The following KCNAB1 variants were observed in gnomAD, a reference collection of about 807,000 sequenced individuals.
KCNAB1 encodes the protein voltage-gated potassium channel subunit beta-1.
A neutral mutation model predicts 64.6 loss-of-function variants in KCNAB1; 35 were observed. The observed-to-expected ratio is 0.54, with a 90% CI of 0.41 to 0.72. The LOEUF is 0.72. Ranked by LOEUF, KCNAB1 falls within the 30% of genes least tolerant of loss-of-function variation. The probability of loss-of-function intolerance (pLI) is 0.00; values close to 1 mark genes in which losing one functional copy is unlikely to be tolerated. For missense variants in KCNAB1, 401 were observed against 512.9 expected (o/e 0.78, Z 2.11); for synonymous variants, 177 against 183.8 (o/e 0.96, Z 0.30).
At chr3:156,507,901 A>G (rs1716930657) in intron 8 of KCNAB1, among the ~76,000 whole-genome samples, 2 of 152,196 alleles carry the variant, frequency 1.3e-5, no homozygotes, top group South Asian at 4.1e-4. Context: ...GGCTCTAAAA[A>G]TAGCAATTTT....
At chr3:156,340,511 C>T (rs1724028662) in intron 1 of KCNAB1, among the ~76,000 whole-genome samples, 1 of 152,148 alleles carries the variant, frequency 6.6e-6, no homozygotes, top group Admixed American at 6.5e-5. Context: ...TTCCATCTCA[C>T]CCTACACTTC....
intron 1 of KCNAB1, among the ~76,000 whole-genome samples, chr3:156,352,848 G>C (rs1490872688): frequency 1.3e-5 from 2 of 152,212 alleles, no homozygotes; most frequent in African/African-American, 4.8e-5. Context: ...CCTGTTTCCT[G>C]GCAGACCTCT....
chr3:156,263,161 A>G (rs13063680), intron 1 of KCNAB1, among the ~76,000 whole-genome samples: 24,406 of 151,346 alleles, frequency 0.16, 2,153 homozygotes, highest in African/African-American at 0.19. Context: ...CTTTTCTTTT[A>G]CTTGGATTTT....
intron 8 of KCNAB1, among the ~76,000 whole-genome samples, chr3:156,503,792 G>T (rs891952144): frequency 2.0e-5 from 3 of 152,072 alleles, no homozygotes; most frequent in African/African-American, 7.2e-5. Flanking sequence ...CATAAAAATT[G>T]TACATATTTA....
intron 8 of KCNAB1, among the ~76,000 whole-genome samples, chr3:156,481,333 C>T (rs541234864): frequency 1.7e-4 from 25 of 151,012 alleles, no homozygotes; most frequent in African/African-American, 5.6e-4. Flanking sequence ...TTTGAAAGCC[C>T]GGGACAGTTG....
intron 13 of KCNAB1, among the ~76,000 whole-genome samples, chr3:156,534,196 A>G (rs1309381391): frequency 6.6e-6 from 1 of 152,206 alleles, no homozygotes; most frequent in Admixed American, 6.5e-5. Flanking sequence ...CAGTGGTGGC[A>G]CTGGCTGCAA....
chr3:156,328,174 A>G (rs1018777984), intron 1 of KCNAB1, among the ~76,000 whole-genome samples: 1 of 152,166 alleles, frequency 6.6e-6, no homozygotes, highest in Non-Finnish European at 1.5e-5. Flanking sequence ...TGTCGTTTGC[A>G]GTGGGATAGC....
rs2108412776 is a variant in KCNAB1, at chr3:156,220,715, GTTTAA to G, written c.275+99832_275+99836del. 2.0e-5 allele frequency among the ~76,000 whole-genome samples: 3 copies of G among 152,274 alleles called. No homozygotes were observed. In the South Asian group the frequency reaches 6.2e-4, roughly 32 times the overall value. The stretch of plus-strand genomic sequence containing the variant: ...TCTTTTGCTGTGCAGAAGCTCTTTA[GTTTAA>G]TTAGATCCCATTTGTCTATTTTGGC... On this transcript the variant is annotated intron_variant, in intron 1 of 13. Coordinates refer to ENST00000490337, the MANE Select transcript of KCNAB1 (RefSeq NM_172160.3).
At chr3:156,357,357 T>C (rs1725325837) in intron 1 of KCNAB1, among the ~76,000 whole-genome samples, 1 of 152,226 alleles carries the variant, frequency 6.6e-6, no homozygotes, top group Non-Finnish European at 1.5e-5. Context: ...AGTCATAATT[T>C]TTGAGCTGTA....
rs1713280076 is a variant in KCNAB1 at position 156,120,634 on chromosome 3, C to T, written c.23C>T (p.Ala8Val). The T allele has an allele frequency of 6.2e-7, 1 of 1,614,202 alleles. No homozygotes were observed. Among genetic ancestry groups the T allele is most frequent in the African/African-American group, 1.3e-5 (1 of 75,046 alleles). The change falls in exon 1 of 14, where the codon GCA becomes GTA. Residue 8 changes from alanine to valine, a missense_variant. By Grantham distance (64) the Ala-to-Val change is moderately conservative. Coordinates refer to ENST00000490337, the MANE Select transcript of KCNAB1 (RefSeq NM_172160.3). Reference sequence around the variant, plus strand: ...ACGATGCTGGCAGCCCGGACAGGGGCAGCGGGGAGTCAGATCTCAGAGGAG... The same window carrying T: ...ACGATGCTGGCAGCCCGGACAGGGGTAGCGGGGAGTCAGATCTCAGAGGAG... MLAARTG[A>V]AGSQISEENT... is the part of the protein sequence containing the mutation.
chr3:156,128,231 G>A (rs1269841175), intron 1 of KCNAB1, among the ~76,000 whole-genome samples: 3 of 152,154 alleles, frequency 2.0e-5, no homozygotes, highest in African/African-American at 2.4e-5. Context: ...GAGACTAGAC[G>A]AGATGATCCC....
At chr3:156,360,933 G>A (rs773089723) in intron 1 of KCNAB1, among the ~76,000 whole-genome samples, 1 of 151,920 alleles carries the variant, frequency 6.6e-6, no homozygotes, top group African/African-American at 2.4e-5. Flanking sequence ...CCTCCTAACC[G>A]ATCCTGCTGC....
intron 1 of KCNAB1, among the ~76,000 whole-genome samples, chr3:156,133,179 A>C (rs984041642): frequency 5.3e-5 from 8 of 152,238 alleles, no homozygotes; most frequent in Admixed American, 2.0e-4. Flanking sequence ...AGGAGGTGAG[A>C]GTCAGCATAA....
intron 8 of KCNAB1, among the ~76,000 whole-genome samples, chr3:156,505,382 TG>T (rs1471578670): frequency 6.6e-6 from 1 of 152,214 alleles, no homozygotes; most frequent in African/African-American, 2.4e-5. Flanking sequence ...TTGGCTATTC[TG>T]GGTCTTTTGT....
At chr3:156,427,700 G>A (rs1454240204) in intron 2 of KCNAB1, among the ~76,000 whole-genome samples, 2 of 152,170 alleles carry the variant, frequency 1.3e-5, no homozygotes, top group Admixed American at 6.5e-5. Context: ...TGTGGGGTAG[G>A]GAGTGGAGAT....
Position 156,452,897 on chromosome 3 carries a change from A to G in KCNAB1, c.320-2A>G. On this transcript the variant is annotated splice_acceptor_variant, in intron 2 of 13. Coordinates refer to ENST00000490337, the MANE Select transcript of KCNAB1 (RefSeq NM_172160.3). LOFTEE classifies it high-confidence loss of function. The surrounding 1 kb of genome is among the most constrained non-coding windows in gnomAD (Gnocchi z 4.6). ...AATATGCAAATATTTATTATTTTCT[A>G]GGAACATGGGTGACATTTGGAGGTC... 1.3e-6 allele frequency: 2 copies of G among 1,595,140 alleles called. No homozygotes were observed. Among genetic ancestry groups the G allele is most frequent in the Non-Finnish European group, 1.7e-6 (2 of 1,166,336 alleles).
chr3:156,479,314 C>T (rs542561269), intron 8 of KCNAB1, among the ~76,000 whole-genome samples: 47 of 152,208 alleles, frequency 3.1e-4, no homozygotes, highest in Non-Finnish European at 5.3e-4. Context: ...AATCTTCTCT[C>T]GAGCTCATTA....
At chr3:156,132,869 A>T (rs1714084355) in intron 1 of KCNAB1, among the ~76,000 whole-genome samples, 1 of 152,242 alleles carries the variant, frequency 6.6e-6, no homozygotes, top group African/African-American at 2.4e-5. Flanking sequence ...ATAAAATTGC[A>T]TATCCTCAAT....
chr3:156,158,210 A>G, intron 1 of KCNAB1, among the ~76,000 whole-genome samples: 1 of 144,172 alleles, frequency 6.9e-6, no homozygotes, highest in Non-Finnish European at 1.6e-5. Context: ...AAATAAATAA[A>G]TAAATAAATA....
Sources: allele counts gnomAD v4.1 joint callset (sites outside exome capture counted in the v4.1 genomes callset), GRCh38; gene constraint gnomAD v4.1.1; non-coding constraint Gnocchi (gnomAD v3.1); transcripts MANE v1.5; gene names NCBI Gene and HGNC (gene_info 2026-07-23, HGNC 2026-07-21).